Variants in THAP9 observed in about 807,000 individuals in gnomAD.
THAP9 encodes THAP domain containing 9.
In THAP9, 20 loss-of-function variants were observed where a neutral mutation model predicts 35.7. The ratio of observed to expected loss-of-function variants is 0.56; its 90% CI spans 0.39 to 0.81. The LOEUF is 0.81. Among genes scored for constraint, THAP9 ranks in the 40% least tolerant of loss-of-function variants. The probability of loss-of-function intolerance (pLI) is 0.00; values close to 1 mark genes in which losing one functional copy is unlikely to be tolerated. For synonymous variants in THAP9, 335 were observed against 373.7 expected, an observed-to-expected ratio of 0.90 and a Z score of 1.19; for missense variants, 870 against 1,047.4, an observed-to-expected ratio of 0.83 and a Z score of 2.34.
In THAP9 at chr4:82,917,268, G is replaced by A. The variant is rs1209128897; in HGVS notation, c.1056G>A (p.Gln352=). ...VNRASGYLQA[Q]LLRLTIGKLS... is the part of the protein sequence containing the mutation. ...GAGCATCTGGATATTTGCAGGCTCA[G>A]CTGCTTCGTCTGACTATTGGTAAAC... The change falls in exon 5 of 5, where the codon CAG becomes CAA. Residue 352 remains glutamine, a synonymous_variant. Coordinates refer to ENST00000302236, the MANE Select transcript of THAP9 (RefSeq NM_024672.6). 2 of 1,614,156 alleles carry A rather than the reference G, an allele frequency of 1.2e-6. No homozygotes were observed. The highest frequency in any genetic ancestry group is 2.2e-5 in the East Asian group (1 of 44,882).
At chr4:82,910,862 T>C in intron 4 of THAP9, 1 of 296,292 alleles carries the variant, frequency 3.4e-6, no homozygotes. Context: ...ATGAAGGTCA[T>C]TGATGACCAT....
chr4:82,914,729 A>G (rs753709507), intron 4 of THAP9, among the ~76,000 whole-genome samples: 3 of 152,170 alleles, frequency 2.0e-5, no homozygotes. Flanking sequence ...TGTCAGATGC[A>G]CAGTTTGCAA....
chr4:82,904,506 A>G (rs1254994634), intron 1 of THAP9, among the ~76,000 whole-genome samples: 3 of 152,238 alleles, frequency 2.0e-5, no homozygotes, highest in Non-Finnish European at 4.4e-5. Context: ...AGGATTTTTA[A>G]TATGGGAATT....
chr4:82,907,056 T>A (rs539844428), intron 3 of THAP9, among the ~76,000 whole-genome samples: 75 of 152,278 alleles, frequency 4.9e-4, no homozygotes, highest in Middle Eastern at 3.4e-3. Context: ...TCTTTGAGCT[T>A]GGAAATTGTG....
At chr4:82,910,974 TC>T (rs1720845189) in intron 4 of THAP9, among the ~76,000 whole-genome samples, 1 of 152,122 alleles carries the variant, frequency 6.6e-6, no homozygotes, top group Admixed American at 6.6e-5. Context: ...TGTGGGCTCT[TC>T]CATGGAGTTT....
rs756285549 is a variant in THAP9 at position 82,900,860 on chromosome 4, G to C, written c.58G>C (p.Glu20Gln). 3.7e-6 allele frequency: 6 copies of C among 1,613,400 alleles called. No homozygotes were observed. The highest frequency in any genetic ancestry group is 5.1e-6 in the Non-Finnish European group (6 of 1,180,026). ...CACCCGTGACACCGTGCTCAGCCGGGAGCGCGGCCTCTCCTTCCACCAGTG... is the reference window on the plus strand; with the variant it reads ...CACCCGTGACACCGTGCTCAGCCGGCAGCGCGGCCTCTCCTTCCACCAGTG... ...CSTRDTVLSR[E>Q]RGLSFHQFPT... Residue 20 changes from glutamate (E) to glutamine (Q), a missense_variant, in exon 1 of 5, where the codon GAG becomes CAG. Around this residue, in one of 3 missense-constraint regions of THAP9, gnomAD observed 440 missense variants for 501.2 expected, o/e 0.88. Coordinates refer to ENST00000302236, the MANE Select transcript of THAP9 (RefSeq NM_024672.6).
At chr4:82,911,464 G>A (rs1263442302) in intron 4 of THAP9, among the ~76,000 whole-genome samples, 1 of 152,086 alleles carries the variant, frequency 6.6e-6, no homozygotes, top group Non-Finnish European at 1.5e-5. Flanking sequence ...CATGGTGGCA[G>A]GCACCTGTAG....
intron 4 of THAP9, chr4:82,913,091 A>AT (rs1309994836): frequency 6.6e-6 from 1 of 152,018 alleles, no homozygotes; most frequent in Non-Finnish European, 1.5e-5. Flanking sequence ...TCATAAGAAA[A>AT]TTTTTTTATT....
chr4:82,906,973 T>C (rs1440326541), intron 3 of THAP9, among the ~76,000 whole-genome samples: 1 of 152,188 alleles, frequency 6.6e-6, no homozygotes, highest in African/African-American at 2.4e-5. Flanking sequence ...GCAAATTCAT[T>C]ATAAACAGTT....
Position 82,919,956 on chromosome 4 carries a change from C to T in THAP9, c.*1032C>T, listed in dbSNP as rs1721184946. ...ACGTAAAAGTATATTGATTAAAATT[C>T]CCCTTACAAAGTATATTTTGATGTT... On this transcript the variant is annotated 3_prime_UTR_variant, in exon 5 of 5. Coordinates refer to ENST00000302236, the MANE Select transcript of THAP9 (RefSeq NM_024672.6). 6.7e-6 allele frequency: 1 copy of T among 150,358 alleles called. No homozygotes were observed. Among genetic ancestry groups the T allele is most frequent in the Admixed American group, 6.6e-5 (1 of 15,214 alleles). The allele number at this position is 150,358 out of a possible 1,614,324, so 9.3% of individuals were successfully genotyped here.
rs1272277704 is a variant in THAP9, at chr4:82,908,024, A to G, written c.731+89A>G. Reference sequence around the variant, plus strand: ...ATGTTAATTACTCTTTAGATGTTAAACCATATTATTCTTTTGTTGCATTTT... The same window carrying G: ...ATGTTAATTACTCTTTAGATGTTAAGCCATATTATTCTTTTGTTGCATTTT... On this transcript the variant is annotated intron_variant, in intron 4 of 4. Coordinates refer to ENST00000302236, the MANE Select transcript of THAP9 (RefSeq NM_024672.6). 10 of 1,317,010 alleles carry G rather than the reference A, an allele frequency of 7.6e-6. No homozygotes were observed. The East Asian group carries it at 9.8e-5, about 13-fold the overall frequency. 81.6% of individuals were successfully genotyped at this position (1,317,010 alleles called of 1,614,324 possible).
At chr4:82,916,145 C>T (rs543731323) in intron 4 of THAP9, among the ~76,000 whole-genome samples, 37 of 152,182 alleles carry the variant, frequency 2.4e-4, no homozygotes, top group Non-Finnish European at 4.4e-4. Flanking sequence ...GTATATGTTA[C>T]AGGTGAACAT....
intron 3 of THAP9, among the ~76,000 whole-genome samples, chr4:82,907,384 G>A (rs959678490): frequency 4.6e-5 from 7 of 151,804 alleles, no homozygotes; most frequent in African/African-American, 1.4e-4. Context: ...TAGGCAAGAT[G>A]GTCTGTTCAG....
chr4:82,911,102 AAG>A (rs1205919516), intron 4 of THAP9, among the ~76,000 whole-genome samples: 1 of 152,170 alleles, frequency 6.6e-6, no homozygotes, highest in Admixed American at 6.5e-5. Context: ...GCAATGATCC[AAG>A]AGAGAAAAGA....
At chr4:82,914,028 T>C (rs1410428399) in intron 4 of THAP9, among the ~76,000 whole-genome samples, 1 of 152,150 alleles carries the variant, frequency 6.6e-6, no homozygotes. Flanking sequence ...TCAGCCACCG[T>C]GCCCAGCCAG....
chr4:82,907,974 C>G lies in THAP9; in HGVS notation c.731+39C>G, dbSNP rs779928980. The stretch of plus-strand genomic sequence containing the variant: ...TTTTTTATTTTTTAAAAGTGACTTT[C>G]TTGTCAGGACATCTTGTTGATTGCA... On this transcript the variant is annotated intron_variant, in intron 4 of 4. Coordinates refer to ENST00000302236, the MANE Select transcript of THAP9 (RefSeq NM_024672.6). 7.0e-6 allele frequency: 11 copies of G among 1,572,442 alleles called. No homozygotes were observed. The East Asian group carries it at 1.8e-4, about 26-fold the overall frequency.
Position 82,905,922 on chromosome 4 carries a change from C to G in THAP9, c.277-402C>G, listed in dbSNP as rs1264539041. 6.6e-6 allele frequency: 3 copies of G among 456,294 alleles called. No homozygotes were observed. In the Admixed American group the frequency reaches 7.0e-5, roughly 11 times the overall value. 28.3% of individuals were successfully genotyped at this position (456,294 alleles called of 1,614,324 possible). On this transcript the variant is annotated intron_variant, in intron 2 of 4. Coordinates refer to ENST00000302236, the MANE Select transcript of THAP9 (RefSeq NM_024672.6). ...CTAATTGAGGGAGCTAAGATTCAAA[C>G]CCAGGTCAGTCTTAATTCCAAAGCC...
Position 82,911,435 on chromosome 4 carries a change from T to TA in THAP9, c.731+3509dup, listed in dbSNP as rs974994682. Among the ~76,000 whole-genome samples the TA allele has an allele frequency of 2.3e-4, 35 of 150,678 alleles. No homozygotes were observed. The East Asian group carries it at 4.3e-3, about 18-fold the overall frequency. On this transcript the variant is annotated intron_variant, in intron 4 of 4. Coordinates refer to ENST00000302236, the MANE Select transcript of THAP9 (RefSeq NM_024672.6). ...TGAAACCCCATCTCTACTAAAAAAA[T>TA]AAAAAAAAATTAGCCGGGCATGGTG...
In THAP9 at chr4:82,916,303, CA is replaced by C. The variant is rs942336924; in HGVS notation, c.732-640del. On this transcript the variant is annotated intron_variant, in intron 4 of 4. Coordinates refer to ENST00000302236, the MANE Select transcript of THAP9 (RefSeq NM_024672.6). ...ACCATTATAGGAAGAAAATAATTAG[CA>C]GTCTGAGAAGAGCAGGGATACTATG... 1.1e-3 allele frequency among the ~76,000 whole-genome samples: 169 copies of C among 152,164 alleles called. 1 individual carries two copies. Among genetic ancestry groups the C allele is most frequent in the African/African-American group, 3.9e-3 (163 of 41,502 alleles).
Sources: allele counts gnomAD v4.1 joint callset (sites outside exome capture counted in the v4.1 genomes callset), GRCh38; gene constraint gnomAD v4.1.1; regional missense constraint gnomAD v4.1.1; transcripts MANE v1.5; gene names NCBI Gene and HGNC (gene_info 2026-07-23, HGNC 2026-07-21).